Variants in ZNF83 observed in about 807,000 individuals in gnomAD.
ZNF83 encodes the protein zinc finger protein 83.
For missense variants in ZNF83, 552 were observed against 629.9 expected (o/e 0.88, Z 1.32); for synonymous variants, 209 against 213.0 (o/e 0.98, Z 0.17).
intron 1 of ZNF83, among the ~76,000 whole-genome samples, chr19:52,666,340 T>C (rs948774712): frequency 2.0e-5 from 3 of 152,018 alleles, no homozygotes; most frequent in African/African-American, 7.2e-5. Context: ...AGGGTAAATT[T>C]AAAACCTATA....
rs566898519 is a variant in ZNF83, at chr19:52,619,257, G to A, written c.-233-4460C>T. 1.0e-2 allele frequency among the ~76,000 whole-genome samples: 1,516 copies of A among 151,890 alleles called. 32 individuals carry two copies. The highest frequency in any genetic ancestry group is 0.033 in the African/African-American group (1,358 of 41,386). Reference sequence around the variant, plus strand: ...TTTGAAGAGGTCATAATACCCTCTTGTTATAAATTTATTATGTTTGTGAAG... The same window carrying A: ...TTTGAAGAGGTCATAATACCCTCTTATTATAAATTTATTATGTTTGTGAAG... On this transcript the variant is annotated intron_variant, in intron 2 of 2. Transcript: ENST00000301096.
Position 52,613,560 on chromosome 19 carries a change from G to GTGAT in ZNF83, c.1001_1004dup (p.His335GlnfsTer15), listed in dbSNP as rs772115366. 7 of 1,611,454 alleles carry GTGAT rather than the reference G, an allele frequency of 4.3e-6. No individual in the cohort carries two copies. The East Asian group carries it at 1.6e-4, about 36-fold the overall frequency. ...GTTTCTCTCCAGTGTGGATTCTCCA[G>GTGAT]TGATTTACTAGGGATGACTTGTGAC... On this transcript the variant is annotated frameshift_variant, in exon 3 of 3. Transcript: ENST00000301096.
intron 1 of ZNF83, among the ~76,000 whole-genome samples, chr19:52,689,380 C>T (rs1353498867): frequency 2.0e-5 from 3 of 150,826 alleles, no homozygotes; most frequent in Non-Finnish European, 3.0e-5. Flanking sequence ...TCTCTCTTCC[C>T]TGTTATACCC....
chr19:52,631,829 G>C (rs10423500), intron 2 of ZNF83, among the ~76,000 whole-genome samples: 5 of 150,110 alleles, frequency 3.3e-5, no homozygotes, highest in Non-Finnish European at 7.4e-5. Flanking sequence ...CCACTAGCCC[G>C]CCTCTTAGAA....
chr19:52,622,458 T>G (rs2060584623), intron 2 of ZNF83, among the ~76,000 whole-genome samples: 1 of 152,144 alleles, frequency 6.6e-6, no homozygotes, highest in African/African-American at 2.4e-5. Context: ...CACTGACACC[T>G]GCAGGCCTCA....
chr19:52,683,542 T>G (rs1323922928), intron 1 of ZNF83, among the ~76,000 whole-genome samples: 1 of 113,944 alleles, frequency 8.8e-6, no homozygotes, highest in Non-Finnish European at 1.8e-5. Flanking sequence ...GCAAAGTCCC[T>G]GCCCATAATG....
Position 52,664,636 on chromosome 19 carries a change from G to T in ZNF83, c.-282-3793C>A, listed in dbSNP as rs138144191. ...TTAGGGCAGGACAAAAGCCAGGACT[G>T]GGGGGTGGAACCCCAGGAGGTGAGC... On this transcript the variant is annotated intron_variant, in intron 1 of 5. Coordinates refer to the ZNF83 transcript ENST00000594682. Among the ~76,000 whole-genome samples the T allele has an allele frequency of 3.6e-3, 554 of 152,226 alleles. 1 individual carries two copies. The highest frequency in any genetic ancestry group is 7.1e-3 in the Admixed American group (108 of 15,294).
chr19:52,620,594 T>G (rs2060506878), intron 2 of ZNF83, among the ~76,000 whole-genome samples: 1 of 152,172 alleles, frequency 6.6e-6, no homozygotes, highest in Non-Finnish European at 1.5e-5. Context: ...TTTACTAATA[T>G]GAGAACATGT....
intron 3 of ZNF83, among the ~76,000 whole-genome samples, chr19:52,649,178 AC>A: frequency 1.3e-5 from 2 of 151,984 alleles, no homozygotes; most frequent in Non-Finnish European, 2.9e-5. Context: ...CTTTCGCAGC[AC>A]CCCAGCACCA....
intron 2 of ZNF83, among the ~76,000 whole-genome samples, chr19:52,624,891 C>T (rs745779120): frequency 2.0e-5 from 3 of 152,134 alleles, no homozygotes; most frequent in Non-Finnish European, 2.9e-5. Flanking sequence ...CTCCCTGGCT[C>T]CTTCAGCTAT....
In ZNF83 at chr19:52,689,458, C is replaced by T. The variant is rs987370415; in HGVS notation, c.-283+985G>A. On this transcript the variant is annotated intron_variant, in intron 1 of 5. Transcript: ENST00000594682. The stretch of plus-strand genomic sequence containing the variant: ...CTGCTGTGCTTCTCCCTCTGTTCTC[C>T]TTGCCACCAGCACCACTCTGCTCTG... Among the ~76,000 whole-genome samples, 156 of 151,826 alleles carry T rather than the reference C, an allele frequency of 1.0e-3. 1 individual carries two copies. Among genetic ancestry groups the T allele is most frequent in the African/African-American group, 3.1e-3 (129 of 41,404 alleles).
chr19:52,624,785 C>A (rs1269879699), intron 2 of ZNF83, among the ~76,000 whole-genome samples: 1 of 152,194 alleles, frequency 6.6e-6, no homozygotes, highest in African/African-American at 2.4e-5. Context: ...CTTTTAGAGG[C>A]CCTCAAAGTC....
At chr19:52,626,871 TTATTAA>T (rs1318361526) in intron 2 of ZNF83, among the ~76,000 whole-genome samples, 2 of 152,322 alleles carry the variant, frequency 1.3e-5, no homozygotes, top group African/African-American at 4.8e-5. Context: ...TTTATTTTTC[TTATTAA>T]TATAAGAAGA....
chr19:52,628,788 G>A (rs1212946998), intron 2 of ZNF83, among the ~76,000 whole-genome samples: 6 of 151,786 alleles, frequency 4.0e-5, no homozygotes, highest in Non-Finnish European at 8.8e-5. Flanking sequence ...TTTTCTAGGG[G>A]AGGAGCAAGT....
At chr19:52,655,390 A>G in intron 3 of ZNF83, 2 of 653,146 alleles carry the variant, frequency 3.1e-6, no homozygotes, top group South Asian at 3.7e-5. Flanking sequence ...ACTCCATAGG[A>G]TAGTCTCTAA....
intron 2 of ZNF83, among the ~76,000 whole-genome samples, chr19:52,623,717 C>T (rs994403649): frequency 1.3e-5 from 2 of 152,098 alleles, no homozygotes; most frequent in African/African-American, 4.8e-5. Flanking sequence ...CTGCTCAACA[C>T]CAGTATCCCA....
intron 1 of ZNF83, among the ~76,000 whole-genome samples, chr19:52,665,428 A>G (rs2061637115): frequency 6.6e-6 from 1 of 152,186 alleles, no homozygotes; most frequent in South Asian, 2.1e-4. Flanking sequence ...GTGATTAAAA[A>G]AAAAAGCACT....
At chr19:52,665,141 C>T (rs1372056432) in intron 1 of ZNF83, among the ~76,000 whole-genome samples, 1 of 152,178 alleles carries the variant, frequency 6.6e-6, no homozygotes, top group Non-Finnish European at 1.5e-5. Context: ...TCTTCATTCA[C>T]TGGGGTGGGA....
chr19:52,687,599 G>GTGTATATATATATATAATGTATATA (rs1459006948), intron 1 of ZNF83, among the ~76,000 whole-genome samples: 2 of 16,824 alleles, frequency 1.2e-4, no homozygotes, highest in African/African-American at 1.1e-3. Flanking sequence ...TATATATAAT[G>GTGTATATATATATATAATGTATATA]TATATATATA....
Sources: allele counts gnomAD v4.1 joint callset (sites outside exome capture counted in the v4.1 genomes callset), GRCh38; gene constraint gnomAD v4.1.1; transcripts MANE v1.5; gene names NCBI Gene and HGNC (gene_info 2026-07-23, HGNC 2026-07-21).